Variants in IMMT observed in about 807,000 individuals in gnomAD.
IMMT encodes MICOS complex subunit MIC60.
IMMT carries 40 observed loss-of-function variants against 92.7 expected under a neutral mutation model. That is an observed-to-expected ratio of 0.43 (90% CI 0.34 to 0.56). IMMT has a LOEUF of 0.56. IMMT is among the 20% of genes least tolerant of loss of function. The pLI, the probability that IMMT is intolerant of heterozygous loss-of-function variation, is 0.03. For synonymous variants in IMMT, 322 were observed against 336.1 expected (o/e 0.96, Z 0.46); for missense variants, 831 against 912.1 (o/e 0.91, Z 1.14).
intron 4 of IMMT, 46 bp from the exon 5 acceptor site, chr2:86,171,391 C>A: frequency 6.4e-7 from 1 of 1,562,224 alleles, no homozygotes. Context: ...CCTGGGTTAA[C>A]AGAGAAACAC....
chr2:86,169,178 G>T (rs1676923279), intron 6 of IMMT, among the ~76,000 whole-genome samples: 1 of 152,172 alleles, frequency 6.6e-6, no homozygotes, highest in Non-Finnish European at 1.5e-5. Context: ...GCAAGGAAAA[G>T]AACAGCTGGA....
At chr2:86,156,409 T>C (rs916701415) in intron 10 of IMMT, among the ~76,000 whole-genome samples, 2 of 151,966 alleles carry the variant, frequency 1.3e-5, no homozygotes, top group East Asian at 1.9e-4. Context: ...CTGACCAACA[T>C]GGTGAAACCC....
Position 86,159,567 on chromosome 2 carries a change from A to C in IMMT, c.1001T>G (p.Met334Arg). ...GACCACATTATCCAGATCAACTATC[A>C]TGTTGTGAAGTTTACCCTCTGCAGC... ...ITAAEGKLHN[M>R]IVDLDNVVKK... is the part of the protein sequence containing the mutation. The change falls in exon 9 of 15, where the codon ATG becomes AGG. Residue 334 changes from methionine (M) to arginine (R), a missense_variant. Coordinates refer to ENST00000410111, the MANE Select transcript of IMMT (RefSeq NM_006839.3). The C allele has an allele frequency of 6.2e-7, 1 of 1,609,750 alleles. No homozygotes were observed. Among genetic ancestry groups the C allele is most frequent in the East Asian group, 2.2e-5 (1 of 44,760 alleles).
At chr2:86,154,751 C>T (rs530956532) in intron 10 of IMMT, among the ~76,000 whole-genome samples, 1 of 152,298 alleles carries the variant, frequency 6.6e-6, no homozygotes, top group East Asian at 1.9e-4. Flanking sequence ...AATGATGTCC[C>T]CCACCACAAT....
chr2:86,194,010 G>C (rs1043611869), intron 1 of IMMT, among the ~76,000 whole-genome samples: 2 of 152,196 alleles, frequency 1.3e-5, no homozygotes, highest in Admixed American at 1.3e-4. Flanking sequence ...GCTCCTGGTA[G>C]CCTGCACGAA....
intron 12 of IMMT, among the ~76,000 whole-genome samples, chr2:86,150,268 T>C (rs1012428223): frequency 7.9e-5 from 12 of 152,200 alleles, no homozygotes; most frequent in African/African-American, 2.9e-4. Flanking sequence ...GATAGACATT[T>C]ATCAGGTATA....
rs374115458 is a variant in IMMT at position 86,146,957 on chromosome 2, C to T, written c.1533+745G>A. Among the ~76,000 whole-genome samples, 10 of 152,092 alleles carry T rather than the reference C, an allele frequency of 6.6e-5. No homozygotes were observed. The East Asian group carries it at 7.8e-4, about 12-fold the overall frequency. ...TGTATTTTTAATAGAGACAGGGTTT[C>T]GCCATGTTGGGCAGGCTGGTCTTGA... is the stretch of plus-strand genomic sequence containing the variant. On this transcript the variant is annotated intron_variant, in intron 13 of 14. Coordinates refer to ENST00000410111, the MANE Select transcript of IMMT (RefSeq NM_006839.3).
chr2:86,146,701 A>G (rs1675043675), intron 13 of IMMT, among the ~76,000 whole-genome samples: 1 of 152,074 alleles, frequency 6.6e-6, no homozygotes, highest in Admixed American at 6.6e-5. Context: ...GATGGAACCT[A>G]ATATTAGAGG....
rs370250002 is a variant in IMMT, at chr2:86,144,474, G to A, written c.2071C>T (p.Leu691=). Reference sequence around the variant, plus strand: ...TCAATGCAATAGGAAGCATATGACAGTAATTTAAATGTGTTTATATCCTCA... The same window carrying A: ...TCAATGCAATAGGAAGCATATGACAATAATTTAAATGTGTTTATATCCTCA... ...CPEDINTFKL[L]SYASYCIEHG... Residue 691 remains leucine, a synonymous_variant, in exon 15 of 15, where the codon CTG becomes TTG. Transcript: ENST00000410111. 152 of 1,613,900 alleles carry A rather than the reference G, an allele frequency of 9.4e-5. No homozygotes were observed. The highest frequency in any genetic ancestry group is 1.2e-4 in the Non-Finnish European group (137 of 1,179,908).
At chr2:86,180,512 C>G (rs551196420) in intron 2 of IMMT, among the ~76,000 whole-genome samples, 1 of 151,748 alleles carries the variant, frequency 6.6e-6, no homozygotes, top group Non-Finnish European at 1.5e-5. Context: ...GTGATCTGCC[C>G]TCCTCGGCCT....
At chr2:86,171,836 G>A (rs1459299720) in intron 4 of IMMT, among the ~76,000 whole-genome samples, 1 of 143,794 alleles carries the variant, frequency 7.0e-6, no homozygotes, top group South Asian at 2.2e-4. Flanking sequence ...GAACAGAACT[G>A]AGTTAAAATA....
At chr2:86,180,175 A>G (rs1672336410) in intron 2 of IMMT, among the ~76,000 whole-genome samples, 1 of 152,250 alleles carries the variant, frequency 6.6e-6, no homozygotes, top group African/African-American at 2.4e-5. Context: ...CATGTTCACA[A>G]TCATGAGATT....
At chr2:86,153,707 T>C in intron 10 of IMMT, 133 bp from the exon 11 acceptor site, 1 of 484,196 alleles carries the variant, frequency 2.1e-6, no homozygotes, top group Non-Finnish European at 3.7e-6. Flanking sequence ...ATTTTAATAC[T>C]GGAAAATGAA....
At chr2:86,175,394 GTATGTCATA>G in intron 3 of IMMT, among the ~76,000 whole-genome samples, 1 of 151,538 alleles carries the variant, frequency 6.6e-6, no homozygotes, top group East Asian at 1.9e-4. Flanking sequence ...ATATATATAT[GTATGTCATA>G]TATATTTGGT....
Position 86,167,762 on chromosome 2 carries a change from G to A in IMMT, c.656-1118C>T, listed in dbSNP as rs548941389. On this transcript the variant is annotated intron_variant, in intron 6 of 14. Transcript: ENST00000410111. ...CTCTCAAAGTGCTGGGATTACAGGC[G>A]TGAGCCACCGTGCCCAGCCTACTTT... Among the ~76,000 whole-genome samples the A allele has an allele frequency of 1.7e-3, 253 of 152,178 alleles. 3 individuals carry two copies. In the South Asian group the frequency reaches 0.025, roughly 15 times the overall value.
intron 1 of IMMT, among the ~76,000 whole-genome samples, chr2:86,186,465 C>T (rs1347695949): frequency 5.3e-5 from 8 of 152,150 alleles, no homozygotes; most frequent in Admixed American, 3.9e-4. Context: ...TAATAGAAGG[C>T]AGTGAAAGTG....
In IMMT at chr2:86,144,307, G is replaced by A. The variant is rs778267232; in HGVS notation, c.2238C>T (p.Ser746=). The change falls in exon 15 of 15, where the codon AGC becomes AGT. Residue 746 remains serine (S), a synonymous_variant. Coordinates refer to ENST00000410111, the MANE Select transcript of IMMT (RefSeq NM_006839.3). ...CCTGAGTGGTTCCTATTCCTACGGCGCTGGCATATGCTGTCAGGATTTCCA... is the reference window on the plus strand; with the variant it reads ...CCTGAGTGGTTCCTATTCCTACGGCACTGGCATATGCTGTCAGGATTTCCA... ...QIVEILTAYA[S]AVGIGTTQVQ... 3 of 1,613,700 alleles carry A rather than the reference G, an allele frequency of 1.9e-6. No homozygotes were observed. The highest frequency in any genetic ancestry group is 2.7e-5 in the African/African-American group (2 of 74,828).
At chr2:86,152,608 A>G (rs905905586) in intron 11 of IMMT, among the ~76,000 whole-genome samples, 2 of 151,784 alleles carry the variant, frequency 1.3e-5, no homozygotes, top group Admixed American at 1.3e-4. Context: ...TAAAAATACA[A>G]AAATTAGCCA....
rs1677681452 is a variant in IMMT, at chr2:86,179,461, G to T, written c.281C>A (p.Ala94Asp). The change falls in exon 3 of 15, where the codon GCT becomes GAT. Residue 94 changes from alanine (A) to aspartate (D), a missense_variant. Ala to Asp is a moderately radical substitution (Grantham distance 126). Coordinates refer to ENST00000410111, the MANE Select transcript of IMMT (RefSeq NM_006839.3). ...TTTCTTTGGCAATGGAACATTATAA[G>T]CTGCAGGACCAAGAACCATCTCGAA... ...KLFEMVLGPA[A>D]YNVPLPKKSI... The T allele has an allele frequency of 6.2e-7, 1 of 1,603,504 alleles. No homozygotes were observed. Among genetic ancestry groups the T allele is most frequent in the Non-Finnish European group, 8.5e-7 (1 of 1,176,966 alleles).
Sources: allele counts gnomAD v4.1 joint callset (sites outside exome capture counted in the v4.1 genomes callset), GRCh38; gene constraint gnomAD v4.1.1; transcripts MANE v1.5; gene names NCBI Gene and HGNC (gene_info 2026-07-23, HGNC 2026-07-21).